SH3BP4: variants seen among roughly 807,000 people sequenced by gnomAD.
SH3BP4 encodes SH3 domain-binding protein 4.
In SH3BP4, 33 loss-of-function variants were observed where a neutral mutation model predicts 65.5. The ratio of observed to expected loss-of-function variants is 0.50; its 90% confidence interval spans 0.38 to 0.67. SH3BP4 has a LOEUF of 0.67. SH3BP4 is among the 30% of genes least tolerant of loss of function. The pLI is 0.00. For synonymous variants in SH3BP4, 552 were observed against 545.5 expected (o/e 1.01, Z -0.17); for missense variants, 1,134 against 1,261.4 (o/e 0.90, Z 1.53).
chr2:235,051,886 T>TC (rs1311301215), intron 4 of SH3BP4, among the ~76,000 whole-genome samples: 5 of 152,212 alleles, frequency 3.3e-5, no homozygotes, highest in South Asian at 4.2e-4. Context: ...CTCTCTGGTG[T>TC]CCCCAGAGAG....
chr2:234,981,974 T>C (rs1693400272), intron 1 of SH3BP4, among the ~76,000 whole-genome samples: 1 of 152,180 alleles, frequency 6.6e-6, no homozygotes, highest in Non-Finnish European at 1.5e-5. Context: ...CCACCTCTGA[T>C]GTCGCCTCCT....
At chr2:234,953,592 T>C (rs1410259216) in intron 1 of SH3BP4, among the ~76,000 whole-genome samples, 2 of 152,162 alleles carry the variant, frequency 1.3e-5, no homozygotes, top group African/African-American at 4.8e-5. Flanking sequence ...ATGAAGGTAA[T>C]GATTCTCAAT....
In SH3BP4 at chr2:234,991,699, C is replaced by G. The variant is rs1031807926; in HGVS notation, c.-206-3604C>G. 1.4e-4 allele frequency among the ~76,000 whole-genome samples: 22 copies of G among 152,314 alleles called. No homozygotes were observed. The highest frequency in any genetic ancestry group is 5.3e-4 in the African/African-American group (22 of 41,560). On this transcript the variant is annotated intron_variant, in intron 1 of 5. Coordinates refer to ENST00000392011, the MANE Select transcript of SH3BP4 (RefSeq NM_014521.3). This position sits in a 1 kb window ranked among gnomAD's most constrained non-coding sequence, Gnocchi z 4.2. ...ACCCCCCTCTTCTCAGCAAGGCGGT[C>G]CTTGTCCAGAGGCCTTGGGCCTCTG...
intron 2 of SH3BP4, chr2:235,008,734 C>G (rs145653376): frequency 1.3e-5 from 2 of 152,166 alleles, no homozygotes; most frequent in Non-Finnish European, 2.9e-5. Flanking sequence ...CTCATTCTCC[C>G]GCTAGGAAAC....
At chr2:235,032,289 C>G (rs917350260) in intron 2 of SH3BP4, among the ~76,000 whole-genome samples, 2 of 152,200 alleles carry the variant, frequency 1.3e-5, no homozygotes, top group African/African-American at 4.8e-5. Context: ...CGGGTGCAGT[C>G]AGATGGAGAC....
In SH3BP4 at chr2:235,034,165, A is replaced by G. The variant is rs1441126715; in HGVS notation, c.-132-706A>G. ...CAGTCCTGTCTGTGCGCCCTTCCAG[A>G]AAAAAAAAGCAGAGGCCTTAGGGGT... On this transcript the variant is annotated intron_variant, in intron 2 of 5. Transcript: ENST00000392011. This position sits in a 1 kb window ranked among gnomAD's most constrained non-coding sequence, Gnocchi z 6.2. Among the ~76,000 whole-genome samples the G allele has an allele frequency of 6.6e-6, 1 of 151,096 alleles. No individual in the cohort carries two copies. Among genetic ancestry groups the G allele is most frequent in the African/African-American group, 2.4e-5 (1 of 40,936 alleles).
In SH3BP4 at chr2:235,042,881, C is replaced by T. The variant is rs147490500; in HGVS notation, c.2112C>T (p.Ile704=). 544 of 1,613,566 alleles carry T rather than the reference C, an allele frequency of 3.4e-4. No individual in the cohort carries two copies. The highest frequency in any genetic ancestry group is 2.8e-3 in the African/African-American group (210 of 75,066). The change falls in exon 4 of 6, where the codon ATC becomes ATT. Residue 704 remains isoleucine, a synonymous_variant. Coordinates refer to ENST00000392011, the MANE Select transcript of SH3BP4 (RefSeq NM_014521.3). The surrounding 1 kb of genome is among the most constrained non-coding windows in gnomAD (Gnocchi z 7.3). ...RGQLWTKEWY[I]GYYQGRVGLV... is the part of the protein sequence containing the mutation. ...AGCTGTGGACCAAGGAGTGGTACATCGGCTACTACCAGGGCAGGGTGGGCC... is the reference window on the plus strand; with the variant it reads ...AGCTGTGGACCAAGGAGTGGTACATTGGCTACTACCAGGGCAGGGTGGGCC...
At position 235,052,973 on chromosome 2, in the gene SH3BP4, C is replaced by G. The variant is rs368711565; in HGVS notation, c.2667+223C>G. On this transcript the variant is annotated intron_variant, in intron 5 of 5. Transcript: ENST00000392011. This position sits in a 1 kb window ranked among gnomAD's most constrained non-coding sequence, Gnocchi z 5.0. The stretch of plus-strand genomic sequence containing the variant: ...CTGGCTTTAGGATGTCAAGGCTGTT[C>G]CACACGACATGGGAAGGACAAACAG... 1.4e-4 allele frequency among the ~76,000 whole-genome samples: 21 copies of G among 152,322 alleles called. No individual in the cohort carries two copies. In the East Asian group the frequency reaches 3.5e-3, roughly 25 times the overall value.
Position 234,976,046 on chromosome 2 carries a change from C to T in SH3BP4, c.-206-19257C>T, listed in dbSNP as rs997546188. On this transcript the variant is annotated intron_variant, in intron 1 of 5. Coordinates refer to ENST00000392011, the MANE Select transcript of SH3BP4 (RefSeq NM_014521.3). This position sits in a 1 kb window ranked among gnomAD's most constrained non-coding sequence, Gnocchi z 4.7. ...TAGAAACTGAGCTCTCCAAATTGAA[C>T]GAGGACCCCAGAACACGGGAGTCTG... Among the ~76,000 whole-genome samples the T allele has an allele frequency of 1.3e-5, 2 of 152,224 alleles. No individual in the cohort carries two copies. The highest frequency in any genetic ancestry group is 2.4e-5 in the African/African-American group (1 of 41,452).
In SH3BP4 at chr2:235,034,845, CTT is replaced by C. The variant is rs1171449894; in HGVS notation, c.-132-21_-132-20del. The C allele has an allele frequency of 3.2e-6, 2 of 617,784 alleles. No homozygotes were observed. The highest frequency in any genetic ancestry group is 5.7e-6 in the Non-Finnish European group (2 of 352,300). The allele number at this position is 617,784 out of a possible 1,614,324, so 38.3% of individuals were successfully genotyped here. A position where few individuals can be genotyped will look rare whatever the true frequency, so the allele number is the denominator to read the frequency against. On this transcript the variant is annotated intron_variant, in intron 2 of 5. Coordinates refer to ENST00000392011, the MANE Select transcript of SH3BP4 (RefSeq NM_014521.3). This position sits in a 1 kb window ranked among gnomAD's most constrained non-coding sequence, Gnocchi z 6.2. ...ACCCATGTTTCGCTTGCTTAAGGGA[CTT>C]TTTTGTTCCTCCTCTACTTTCAGGA...
intron 1 of SH3BP4, among the ~76,000 whole-genome samples, chr2:234,966,301 C>T (rs113680386): frequency 6.6e-6 from 1 of 151,956 alleles, no homozygotes; most frequent in Non-Finnish European, 1.5e-5. Flanking sequence ...CCCAGGAGGT[C>T]GAAGTTGCAG....
chr2:235,005,071 CT>C (rs911510181), intron 2 of SH3BP4, among the ~76,000 whole-genome samples: 14 of 152,226 alleles, frequency 9.2e-5, no homozygotes, highest in African/African-American at 3.1e-4. Context: ...GCAGATCCCC[CT>C]GGGTGTTAAC....
intron 1 of SH3BP4, among the ~76,000 whole-genome samples, chr2:234,972,561 C>CA (rs921936933): frequency 1.4e-4 from 21 of 151,760 alleles, no homozygotes; most frequent in African/African-American, 4.8e-4. Context: ...CCTGTCTCTA[C>CA]AAAAAAATAC....
chr2:234,993,436 C>G (rs562674679), intron 1 of SH3BP4, among the ~76,000 whole-genome samples: 5 of 152,264 alleles, frequency 3.3e-5, no homozygotes, highest in Admixed American at 6.5e-5. Flanking sequence ...TTCTGAGAAC[C>G]CTGACCACGG....
intron 1 of SH3BP4, chr2:234,953,053 T>C (rs537868437): frequency 1.3e-5 from 2 of 152,266 alleles, no homozygotes; most frequent in African/African-American, 4.8e-5. Context: ...GAGCAGAGGG[T>C]CGTGGAGCCT....
intron 2 of SH3BP4, among the ~76,000 whole-genome samples, chr2:235,017,167 A>G (rs1013222769): frequency 7.0e-6 from 1 of 143,602 alleles, no homozygotes; most frequent in Non-Finnish European, 1.5e-5. Context: ...CATTTCTCGT[A>G]TTTTAAAATC....
At position 235,053,622 on chromosome 2, in the gene SH3BP4, C is replaced by T. The variant is rs751203893; in HGVS notation, c.2698C>T (p.Leu900Phe). ...AMWKPAYDFL[L>F]TWSHQIGDSY... ...GTGGAAGCCTGCGTATGACTTCTTACTCACCTGGAGCCATCAGATCGGGGA... is the reference window on the plus strand; with the variant it reads ...GTGGAAGCCTGCGTATGACTTCTTATTCACCTGGAGCCATCAGATCGGGGA... The change falls in exon 6 of 6, where the codon CTC becomes TTC. Residue 900 changes from leucine to phenylalanine, a missense_variant. Coordinates refer to ENST00000392011, the MANE Select transcript of SH3BP4 (RefSeq NM_014521.3). 6.2e-7 allele frequency: 1 copy of T among 1,614,154 alleles called. No homozygotes were observed. The highest frequency in any genetic ancestry group is 8.5e-7 in the Non-Finnish European group (1 of 1,180,022).
At chr2:235,001,610 T>C (rs1283284612) in intron 2 of SH3BP4, among the ~76,000 whole-genome samples, 1 of 152,206 alleles carries the variant, frequency 6.6e-6, no homozygotes, top group Non-Finnish European at 1.5e-5. Flanking sequence ...AAATTATCTT[T>C]AGGTTTTTCA....
In SH3BP4 at chr2:234,985,909, C is replaced by A. The variant is rs112567509; in HGVS notation, c.-206-9394C>A. Among the ~76,000 whole-genome samples the A allele has an allele frequency of 5.0e-3, 764 of 151,974 alleles. 20 individuals carry two copies. Among genetic ancestry groups the A allele is most frequent in the African/African-American group, 0.017 (717 of 41,360 alleles). On this transcript the variant is annotated intron_variant, in intron 1 of 5. Transcript: ENST00000392011. ...CAGGTGAACCAGCCCTCGACACACA[C>A]CTACGAGAACAGGGACCATGTGCAG...
Sources: allele counts gnomAD v4.1 joint callset (sites outside exome capture counted in the v4.1 genomes callset), GRCh38; gene constraint gnomAD v4.1.1; non-coding constraint Gnocchi (gnomAD v3.1); transcripts MANE v1.5; gene names NCBI Gene and HGNC (gene_info 2026-07-23, HGNC 2026-07-21).